The following DOCK1 variants were observed in gnomAD, a reference collection of about 807,000 sequenced individuals.
The protein encoded by DOCK1 is dedicator of cytokinesis 1.
In DOCK1, 138 loss-of-function variants were observed where a neutral mutation model predicts 262.7. That is an observed-to-expected ratio of 0.53 (90% CI 0.46 to 0.61). DOCK1 has a LOEUF of 0.61. Ranked by LOEUF, DOCK1 falls within the 20% of genes least tolerant of loss-of-function variation. The pLI is 0.00. For synonymous variants in DOCK1, 866 were observed against 867.4 expected (o/e 1.00, Z 0.03); for missense variants, 1,908 against 2,370.7 (o/e 0.80, Z 4.05).
At position 127,177,967 on chromosome 10, in the gene DOCK1, C is replaced by T. The variant is rs150042940; in HGVS notation, c.2847+50203C>T. ...GGAGCAGGACCCTACTTTAGTGGAC[C>T]GCTGAATCCATGCTGTTCTCATAGA... On this transcript the variant is annotated intron_variant, in intron 27 of 51. Coordinates refer to ENST00000623213, the MANE Select transcript of DOCK1 (RefSeq NM_001290223.2). 6.2e-3 allele frequency among the ~76,000 whole-genome samples: 944 copies of T among 152,242 alleles called. 11 individuals are homozygous for T. Among genetic ancestry groups the T allele is most frequent in the African/African-American group, 0.022 (894 of 41,528 alleles).
chr10:126,980,097 G>A (rs1264133186), intron 3 of DOCK1, among the ~76,000 whole-genome samples: 1 of 152,160 alleles, frequency 6.6e-6, no homozygotes, highest in Non-Finnish European at 1.5e-5. Flanking sequence ...AGAAACCCAG[G>A]AGGGTGTACC....
At chr10:127,124,472 G>T (rs1458424588) in intron 25 of DOCK1, among the ~76,000 whole-genome samples, 1 of 152,210 alleles carries the variant, frequency 6.6e-6, no homozygotes, top group Non-Finnish European at 1.5e-5. Context: ...TTCCCAACTG[G>T]AAGAGACAAT....
intron 1 of DOCK1, among the ~76,000 whole-genome samples, chr10:126,952,341 ATGG>A (rs1364522893): frequency 0.4 from 60,349 of 150,782 alleles, 12,267 homozygotes; most frequent in Non-Finnish European, 0.44. Context: ...ATTGTTGGTG[ATGG>A]TGGTGGTAAT....
chr10:127,094,897 C>G (rs772392267), intron 23 of DOCK1, among the ~76,000 whole-genome samples: 4 of 152,150 alleles, frequency 2.6e-5, no homozygotes, highest in Non-Finnish European at 5.9e-5. Context: ...CGCTTTGCCT[C>G]CTGGAAGCTG....
intron 27 of DOCK1, among the ~76,000 whole-genome samples, chr10:127,145,421 C>T (rs766364273): frequency 6.6e-5 from 10 of 152,184 alleles, no homozygotes; most frequent in African/African-American, 1.9e-4. Flanking sequence ...CTTTCTGAGA[C>T]GTAGCCTGCA....
intron 2 of DOCK1, among the ~76,000 whole-genome samples, chr10:126,971,640 A>ACTC (rs1214850649): frequency 6.6e-6 from 1 of 152,074 alleles, no homozygotes; most frequent in Non-Finnish European, 1.5e-5. Context: ...CTGGTCCTGA[A>ACTC]CTCCTGAGCT....
chr10:127,077,766 T>G (rs551255667), intron 23 of DOCK1, among the ~76,000 whole-genome samples: 180 of 152,096 alleles, frequency 1.2e-3, no homozygotes, highest in Non-Finnish European at 1.0e-3. Flanking sequence ...AGACGAGAGA[T>G]TGCAGGCAAG....
chr10:127,432,084 G>A (rs919529142), intron 47 of DOCK1, among the ~76,000 whole-genome samples: 4 of 152,196 alleles, frequency 2.6e-5, no homozygotes. Context: ...AGGTGCAACA[G>A]TTTCATCCTG....
Position 127,032,310 on chromosome 10 carries a change from G to T in DOCK1, c.1902G>T (p.Leu634=). ...CCACGCTCGTGTGCTCCACCAAACT[G>T]ACTCAGAACGGTGCGTTCGAGAGGA... ...QISTLVCSTK[L]TQNVDLLGLL... is the part of the protein sequence containing the mutation. The change falls in exon 18 of 52, where the codon CTG becomes CTT. Residue 634 remains leucine (L), a synonymous_variant. Coordinates refer to ENST00000623213, the MANE Select transcript of DOCK1 (RefSeq NM_001290223.2). The T allele has an allele frequency of 6.4e-7, 1 of 1,554,628 alleles. No individual in the cohort carries two copies. Among genetic ancestry groups the T allele is most frequent in the South Asian group, 1.2e-5 (1 of 80,830 alleles).
chr10:127,144,213 C>G (rs1216785997), intron 27 of DOCK1, among the ~76,000 whole-genome samples: 1 of 152,172 alleles, frequency 6.6e-6, no homozygotes, highest in Non-Finnish European at 1.5e-5. Context: ...CTGGCAAACT[C>G]CTTCTCAAAT....
intron 29 of DOCK1, among the ~76,000 whole-genome samples, chr10:127,302,757 T>G (rs1351621037): frequency 6.7e-6 from 1 of 149,842 alleles, no homozygotes; most frequent in Non-Finnish European, 1.5e-5. Context: ...TGTGTGTGTG[T>G]GTGTGTGTGT....
intron 46 of DOCK1, among the ~76,000 whole-genome samples, chr10:127,421,037 C>T (rs557860515): frequency 5.3e-4 from 81 of 152,056 alleles, no homozygotes; most frequent in African/African-American, 1.8e-3. Flanking sequence ...CTGCCTTAGC[C>T]TTCCAAGTAG....
intron 27 of DOCK1, among the ~76,000 whole-genome samples, chr10:127,186,504 A>C (rs1298817912): frequency 1.7e-3 from 15 of 9,010 alleles, no homozygotes; most frequent in South Asian, 6.0e-3. Flanking sequence ...CATGGGAGAA[A>C]CCGCCCCCCC....
Position 127,266,506 on chromosome 10 carries a change from CAT to C in DOCK1, c.3044+9085_3044+9086del, listed in dbSNP as rs988830461. Among the ~76,000 whole-genome samples the C allele has an allele frequency of 1.9e-4, 26 of 135,704 alleles. No individual in the cohort carries two copies. In the South Asian group the frequency reaches 2.2e-3, roughly 11 times the overall value. 89.0% of individuals were successfully genotyped at this position (135,704 alleles called of 152,430 possible). A position where few individuals can be genotyped will look rare whatever the true frequency, so the allele number is the denominator to read the frequency against. On this transcript the variant is annotated intron_variant, in intron 29 of 51. Coordinates refer to ENST00000623213, the MANE Select transcript of DOCK1 (RefSeq NM_001290223.2). ...ACACACACACACACACACACACACA[CAT>C]ATATATAGACTGTACTGACTATACA...
intron 4 of DOCK1, among the ~76,000 whole-genome samples, chr10:126,982,775 C>CTGCA (rs2039076580): frequency 6.6e-6 from 1 of 152,096 alleles, no homozygotes; most frequent in Admixed American, 6.5e-5. Context: ...TGATGATGAC[C>CTGCA]TGCAATATGG....
chr10:127,277,686 C>G (rs2060792604), intron 29 of DOCK1, among the ~76,000 whole-genome samples: 1 of 152,156 alleles, frequency 6.6e-6, no homozygotes. Flanking sequence ...TCGCTTGAAC[C>G]TGGGACGCAG....
At chr10:127,381,470 T>A in intron 37 of DOCK1, 102 bp downstream of exon 37, 1 of 1,004,946 alleles carries the variant, frequency 1.0e-6, no homozygotes, top group Non-Finnish European at 1.4e-6. Context: ...GCCTATAACT[T>A]AAGGTTTTAT....
chr10:126,967,998 T>G lies in DOCK1; in HGVS notation c.47-2704T>G, dbSNP rs1304106794. ...CCGGCTATTTTTCTTGTAATTTTAGTAGAGACGGGGTTTTGCCTTGATAGC... is the reference window on the plus strand; with the variant it reads ...CCGGCTATTTTTCTTGTAATTTTAGGAGAGACGGGGTTTTGCCTTGATAGC... On this transcript the variant is annotated intron_variant, in intron 1 of 51. Transcript: ENST00000623213. Among the ~76,000 whole-genome samples, 6 of 152,178 alleles carry G rather than the reference T, an allele frequency of 3.9e-5. No individual in the cohort carries two copies. The East Asian group carries it at 9.7e-4, about 25-fold the overall frequency.
chr10:127,111,181 C>T (rs2048842188), intron 25 of DOCK1, among the ~76,000 whole-genome samples: 1 of 152,192 alleles, frequency 6.6e-6, no homozygotes. Context: ...TTGGAACACA[C>T]TCTGTGCTTG....
Sources: gnomAD v4.1 joint callset for allele counts (sites outside exome capture counted in the v4.1 genomes callset) on GRCh38, gnomAD v4.1.1 for gene constraint, MANE v1.5 for transcripts, NCBI Gene and HGNC (gene_info 2026-07-23, HGNC 2026-07-21) for gene names.